Variants in CNOT10 observed in about 807,000 individuals in gnomAD.
The protein encoded by CNOT10 is CCR4-NOT transcription complex, subunit 10.
Under a neutral mutation model 94.6 loss-of-function variants are expected in CNOT10, and 30 were observed. The observed-to-expected ratio is 0.32, with a 90% CI of 0.24 to 0.43. The LOEUF is 0.43. Ranked by LOEUF, CNOT10 falls within the 20% of genes least tolerant of loss-of-function variation. The pLI, the probability that CNOT10 is intolerant of heterozygous loss-of-function variation, is 1.00. For missense variants in CNOT10, 759 were observed against 877.2 expected (o/e 0.87, Z 1.70); for synonymous variants, 289 against 301.6 (o/e 0.96, Z 0.43).
chr3:32,764,953 C>T (rs1209905728), intron 17 of CNOT10, 144 bp downstream of exon 17: 3 of 1,497,132 alleles, frequency 2.0e-6, no homozygotes, highest in Non-Finnish European at 2.7e-6. Flanking sequence ...AATATTCTTG[C>T]AAGGTAAACA....
Position 32,695,761 on chromosome 3 carries a change from A to G in CNOT10, c.23-8107A>G, listed in dbSNP as rs138063644. ...GGGTGAACGGTCGTATACTCTTTCAATTGGCAACGGAGACTACTTTTGGGC... is the reference window on the plus strand; with the variant it reads ...GGGTGAACGGTCGTATACTCTTTCAGTTGGCAACGGAGACTACTTTTGGGC... On this transcript the variant is annotated intron_variant, in intron 1 of 18. Transcript: ENST00000328834. 803 of 1,536,032 alleles carry G rather than the reference A, an allele frequency of 5.2e-4. 7 individuals are homozygous for G. In the East Asian group the frequency reaches 0.011, roughly 21 times the overall value.
intron 13 of CNOT10, among the ~76,000 whole-genome samples, chr3:32,750,163 A>C (rs1220243347): frequency 3.3e-5 from 5 of 151,384 alleles, no homozygotes; most frequent in African/African-American, 4.9e-5. Flanking sequence ...GTGAGCCGAG[A>C]TCACACCAGC....
At chr3:32,763,744 C>G (rs970148849) in intron 15 of CNOT10, among the ~76,000 whole-genome samples, 1 of 152,114 alleles carries the variant, frequency 6.6e-6, no homozygotes, top group Non-Finnish European at 1.5e-5. Context: ...TGGTAGCATT[C>G]TGGCATTTTT....
At chr3:32,764,128 C>CAA in intron 15 of CNOT10, 30 of 207,114 alleles carry the variant, frequency 1.4e-4, no homozygotes, top group South Asian at 4.1e-4. Flanking sequence ...ACTCCATCTC[C>CAA]AAAAAAAAAA....
At chr3:32,708,548 A>G (rs1697727832) in intron 3 of CNOT10, 122 bp from the exon 4 acceptor site, 1 of 761,734 alleles carries the variant, frequency 1.3e-6, no homozygotes, top group East Asian at 2.7e-5. Context: ...ATACTGTTGA[A>G]AGTATGGAAA....
chr3:32,701,785 G>A (rs570944751), intron 1 of CNOT10, among the ~76,000 whole-genome samples: 1 of 152,040 alleles, frequency 6.6e-6, no homozygotes, highest in South Asian at 2.1e-4. Context: ...CCCAGTCTCT[G>A]ATAGTTGTTT....
rs184265483 is a variant in CNOT10 at position 32,734,550 on chromosome 3, C to T, written c.1338-250C>T. 1.8e-4 allele frequency among the ~76,000 whole-genome samples: 28 copies of T among 152,268 alleles called. No homozygotes were observed. In the East Asian group the frequency reaches 5.4e-3, roughly 29 times the overall value. On this transcript the variant is annotated intron_variant, in intron 11 of 18. Coordinates refer to ENST00000328834, the MANE Select transcript of CNOT10 (RefSeq NM_015442.3). ...TGTGATATACATCAAATTATCTCTT[C>T]TCCTTGGTCTCATTCCTAGAGACAC...
chr3:32,716,798 A>G (rs887446865), intron 6 of CNOT10, among the ~76,000 whole-genome samples: 6 of 152,098 alleles, frequency 3.9e-5, no homozygotes, highest in African/African-American at 1.4e-4. Flanking sequence ...ACTAGTGCGC[A>G]TCACCACACC....
intron 8 of CNOT10, among the ~76,000 whole-genome samples, chr3:32,721,501 AAT>A (rs888090707): frequency 3.0e-5 from 4 of 134,244 alleles, no homozygotes; most frequent in Non-Finnish European, 3.1e-5. Context: ...TTAAGTAAAT[AAT>A]ATGTTTTTAC....
At chr3:32,745,928 G>T (rs1481709473) in intron 13 of CNOT10, among the ~76,000 whole-genome samples, 3 of 152,174 alleles carry the variant, frequency 2.0e-5, no homozygotes, top group African/African-American at 7.2e-5. Context: ...TAGGTTTGAG[G>T]CTGCAGTGAG....
intron 13 of CNOT10, among the ~76,000 whole-genome samples, chr3:32,754,669 G>A (rs1276641320): frequency 1.4e-5 from 2 of 146,188 alleles, no homozygotes; most frequent in African/African-American, 5.1e-5. Context: ...ACAGGGGCAT[G>A]CGCTACCACG....
chr3:32,685,350 G>A lies in CNOT10; in HGVS notation c.-111G>A. 1 of 1,336,704 alleles carries A rather than the reference G, an allele frequency of 7.5e-7. No individual in the cohort carries two copies. Among genetic ancestry groups the A allele is most frequent in the Non-Finnish European group, 1.0e-6 (1 of 958,656 alleles). 82.8% of individuals were successfully genotyped at this position (1,336,704 alleles called of 1,614,324 possible). A position where few individuals can be genotyped will look rare whatever the true frequency, so the allele number is the denominator to read the frequency against. Reference sequence around the variant, plus strand: ...CCTCTAGCCGGAACCTGGGGGCCCGGAGCCGGGGTAGGCACAGAGTTGTCC... The same window carrying A: ...CCTCTAGCCGGAACCTGGGGGCCCGAAGCCGGGGTAGGCACAGAGTTGTCC... On this transcript the variant is annotated 5_prime_UTR_variant, in exon 1 of 19. Transcript: ENST00000328834.
At chr3:32,701,498 A>G (rs542068074) in intron 1 of CNOT10, among the ~76,000 whole-genome samples, 69 of 152,188 alleles carry the variant, frequency 4.5e-4, no homozygotes, top group Middle Eastern at 3.4e-3. Flanking sequence ...TAAATCCCCA[A>G]TGTTAGGGGA....
At chr3:32,722,238 C>G (rs1440466869) in intron 8 of CNOT10, among the ~76,000 whole-genome samples, 1 of 152,164 alleles carries the variant, frequency 6.6e-6, no homozygotes, top group Non-Finnish European at 1.5e-5. Context: ...TGCAAACATA[C>G]TGAGACCTTC....
At chr3:32,738,099 C>T (rs544350765) in intron 13 of CNOT10, among the ~76,000 whole-genome samples, 8 of 152,174 alleles carry the variant, frequency 5.3e-5, no homozygotes, top group Non-Finnish European at 1.0e-4. Flanking sequence ...CTTCATCTTC[C>T]TCTGTTTTCT....
intron 7 of CNOT10, among the ~76,000 whole-genome samples, chr3:32,718,633 C>T (rs909944155): frequency 3.3e-4 from 47 of 144,346 alleles, no homozygotes; most frequent in Admixed American, 5.5e-4. Context: ...AAGGAGACCA[C>T]AGTCATAGAG....
chr3:32,717,674 T>C (rs1698183888), intron 7 of CNOT10, among the ~76,000 whole-genome samples: 2 of 152,248 alleles, frequency 1.3e-5, no homozygotes, highest in South Asian at 4.1e-4. Context: ...AAGACCAGCC[T>C]GGTCAACATG....
chr3:32,723,700 C>T (rs182111969), intron 8 of CNOT10, among the ~76,000 whole-genome samples: 1 of 152,148 alleles, frequency 6.6e-6, no homozygotes, highest in East Asian at 1.9e-4. Context: ...CAGAGGTGGG[C>T]AGGAATATTT....
chr3:32,736,142 G>A (rs113710851), intron 12 of CNOT10, among the ~76,000 whole-genome samples: 5,978 of 152,128 alleles, frequency 0.039, 189 homozygotes, highest in African/African-American at 0.079. Flanking sequence ...CTGGAAAGCA[G>A]TGGCACGATC....
Sources: gnomAD v4.1 joint callset for allele counts (sites outside exome capture counted in the v4.1 genomes callset) on GRCh38, gnomAD v4.1.1 for gene constraint, MANE v1.5 for transcripts, NCBI Gene and HGNC (gene_info 2026-07-23, HGNC 2026-07-21) for gene names.